MAGI2: variants seen among roughly 807,000 people sequenced by gnomAD.
The protein encoded by MAGI2 is membrane associated guanylate kinase, WW and PDZ domain containing 2.
Under a neutral mutation model 133.3 loss-of-function variants are expected in MAGI2, and 35 were observed. The observed-to-expected ratio is 0.26, with a 90% confidence interval of 0.20 to 0.35. MAGI2 has a LOEUF of 0.35. Among genes scored for constraint, MAGI2 ranks in the 10% least tolerant of loss-of-function variants. The pLI, the probability that MAGI2 is intolerant of heterozygous loss-of-function variation, is 1.00. For synonymous variants in MAGI2, 729 were observed against 710.6 expected (o/e 1.03, Z -0.41); for missense variants, 1,636 against 1,863.4 (o/e 0.88, Z 2.25).
At chr7:79,051,923 T>G (rs1474616835) in intron 1 of MAGI2, among the ~76,000 whole-genome samples, 2 of 152,158 alleles carry the variant, frequency 1.3e-5, no homozygotes, top group Non-Finnish European at 2.9e-5. Context: ...TATATATATA[T>G]GTATTTAGTT....
Position 79,080,178 on chromosome 7 carries a change from A to G in MAGI2, c.302-72972T>C, listed in dbSNP as rs879674834. On this transcript the variant is annotated intron_variant, in intron 1 of 21. Coordinates refer to ENST00000354212, the MANE Select transcript of MAGI2 (RefSeq NM_012301.4). Reference sequence around the variant, plus strand: ...TCTGTTTAGATGCATACGCTGAATTAATGTTTTTATACATTCCAAATTTAT... The same window carrying G: ...TCTGTTTAGATGCATACGCTGAATTGATGTTTTTATACATTCCAAATTTAT... Among the ~76,000 whole-genome samples, 7 of 152,264 alleles carry G rather than the reference A, an allele frequency of 4.6e-5. No individual in the cohort carries two copies. In the South Asian group the frequency reaches 1.0e-3, roughly 23 times the overall value.
intron 2 of MAGI2, among the ~76,000 whole-genome samples, chr7:78,917,727 A>T (rs1038010848): frequency 2.0e-5 from 3 of 152,146 alleles, no homozygotes; most frequent in Non-Finnish European, 4.4e-5. Context: ...TATCTGACAG[A>T]CACCGGCCAT....
chr7:79,406,607 AATG>A (rs929676403), intron 1 of MAGI2, among the ~76,000 whole-genome samples: 1 of 152,114 alleles, frequency 6.6e-6, no homozygotes, highest in Non-Finnish European at 1.5e-5. Context: ...ATTCATAGCT[AATG>A]AGTTCCTGTA....
intron 2 of MAGI2, among the ~76,000 whole-genome samples, chr7:78,717,847 C>T (rs566322926): frequency 6.6e-6 from 1 of 152,214 alleles, no homozygotes; most frequent in South Asian, 2.1e-4. Context: ...AATAGCAGTA[C>T]TAGTATAAGT....
intron 2 of MAGI2, among the ~76,000 whole-genome samples, chr7:78,691,832 T>G (rs73145199): frequency 0.05 from 7,668 of 152,236 alleles, 277 homozygotes; most frequent in Non-Finnish European, 0.077. Context: ...GCTGGATACA[T>G]GTCATTATAC....
At chr7:78,684,100 G>A (rs1189314657) in intron 2 of MAGI2, among the ~76,000 whole-genome samples, 1 of 152,014 alleles carries the variant, frequency 6.6e-6, no homozygotes, top group East Asian at 1.9e-4. Context: ...GCCCAATATA[G>A]TATGTATATA....
At chr7:79,155,253 A>G (rs1823657921) in intron 1 of MAGI2, among the ~76,000 whole-genome samples, 2 of 152,200 alleles carry the variant, frequency 1.3e-5, no homozygotes, top group South Asian at 2.1e-4. Flanking sequence ...AAAGTCATGA[A>G]TAATCAATTT....
chr7:78,508,283 C>T (rs972275226), intron 4 of MAGI2, among the ~76,000 whole-genome samples: 2 of 151,938 alleles, frequency 1.3e-5, no homozygotes, highest in Non-Finnish European at 2.9e-5. Context: ...GGGGTGGGGG[C>T]ACAATTCAAC....
chr7:79,444,084 G>T (rs1848678361), intron 1 of MAGI2, among the ~76,000 whole-genome samples: 1 of 152,096 alleles, frequency 6.6e-6, no homozygotes, highest in African/African-American at 2.4e-5. Flanking sequence ...CTCAATAGAT[G>T]CAGAAAAGGC....
intron 9 of MAGI2, among the ~76,000 whole-genome samples, chr7:78,297,856 G>A (rs1797432896): frequency 8.5e-6 from 1 of 117,624 alleles, no homozygotes; most frequent in African/African-American, 3.2e-5. Context: ...GAGGGGGGAG[G>A]GATAGCATTG....
intron 6 of MAGI2, among the ~76,000 whole-genome samples, chr7:78,386,951 C>A (rs7781496): frequency 0.54 from 82,122 of 151,906 alleles, 23,122 homozygotes; most frequent in Middle Eastern, 0.66. Context: ...TAATTGATAC[C>A]ATTATTGGGT....
chr7:78,374,547 C>T (rs1196787600), intron 6 of MAGI2, among the ~76,000 whole-genome samples: 2 of 152,056 alleles, frequency 1.3e-5, no homozygotes, highest in Non-Finnish European at 2.9e-5. Context: ...TGTGCAGAAG[C>T]TCTTTAGTTT....
At chr7:78,467,358 A>C (rs1266470642) in intron 6 of MAGI2, among the ~76,000 whole-genome samples, 1 of 152,120 alleles carries the variant, frequency 6.6e-6, no homozygotes, top group Non-Finnish European at 1.5e-5. Context: ...GTGAAAACAG[A>C]GGCAAGGAGA....
At chr7:78,194,227 A>G (rs552321310) in intron 12 of MAGI2, among the ~76,000 whole-genome samples, 1 of 152,354 alleles carries the variant, frequency 6.6e-6, no homozygotes, top group African/African-American at 2.4e-5. Flanking sequence ...GGTGCAAGCA[A>G]TATCAAAAGC....
intron 5 of MAGI2, among the ~76,000 whole-genome samples, chr7:78,495,728 T>A (rs1794028889): frequency 6.6e-6 from 1 of 152,204 alleles, no homozygotes; most frequent in Non-Finnish European, 1.5e-5. Flanking sequence ...TATTTGCATT[T>A]GCCATTTTAT....
chr7:79,358,117 G>T (rs1585693243), intron 1 of MAGI2, among the ~76,000 whole-genome samples: 1 of 151,518 alleles, frequency 6.6e-6, no homozygotes. Flanking sequence ...TAAAAAAAAA[G>T]AACCTTTCTC....
At chr7:79,391,960 T>C (rs900961006) in intron 1 of MAGI2, among the ~76,000 whole-genome samples, 2 of 152,086 alleles carry the variant, frequency 1.3e-5, no homozygotes, top group African/African-American at 4.8e-5. Flanking sequence ...ATCTAGGTTT[T>C]AAGCCCTGCA....
At chr7:79,112,381 T>G (rs1291892548) in intron 1 of MAGI2, among the ~76,000 whole-genome samples, 1 of 152,202 alleles carries the variant, frequency 6.6e-6, no homozygotes, top group Non-Finnish European at 1.5e-5. Flanking sequence ...TTACACAGAC[T>G]AAATTGGCTC....
At chr7:78,527,006 CAAAAAAAAA>C (rs55707442) in intron 3 of MAGI2, among the ~76,000 whole-genome samples, 2,287 of 45,260 alleles carry the variant, frequency 0.051, 31 homozygotes, top group African/African-American at 0.15. Context: ...GACTCCATCT[CAAAAAAAAA>C]AAAAAAAAAA....
Sources: allele counts gnomAD v4.1 joint callset (sites outside exome capture counted in the v4.1 genomes callset), GRCh38; gene constraint gnomAD v4.1.1; transcripts MANE v1.5; gene names NCBI Gene and HGNC (gene_info 2026-07-23, HGNC 2026-07-21).